Variants in UBE2Z observed in about 807,000 individuals in gnomAD.
UBE2Z encodes the protein ubiquitin conjugating enzyme E2 Z, also known as ubiquitin-conjugating enzyme E2 Z.
UBE2Z carries 10 observed loss-of-function variants against 32.6 expected under a neutral mutation model. The ratio of observed to expected loss-of-function variants is 0.31; its 90% confidence interval spans 0.19 to 0.52. UBE2Z has a LOEUF of 0.52. Ranked by LOEUF, UBE2Z falls within the 20% of genes least tolerant of loss-of-function variation. The pLI is 0.97. For missense variants in UBE2Z, 343 were observed against 480.9 expected, an observed-to-expected ratio of 0.71 and a Z score of 2.68; for synonymous variants, 183 against 190.8, an observed-to-expected ratio of 0.96 and a Z score of 0.34.
rs754149907 is a variant in UBE2Z, at chr17:48,916,229, TTTTG to T, written c.690+51_690+54del. The T allele has an allele frequency of 1.6e-4, 187 of 1,185,242 alleles. 1 individual carries two copies. The African/African-American group carries it at 1.8e-3, about 11-fold the overall frequency. 73.4% of individuals were successfully genotyped at this position (1,185,242 alleles called of 1,614,324 possible). A position where few individuals can be genotyped will look rare whatever the true frequency, so the allele number is the denominator to read the frequency against. ...CTGGCTCTGGGGTGTAGACTATTGT[TTTTG>T]TTTGTTTGGTTGGTTGGTTTTTTTG... On this transcript the variant is annotated intron_variant, in intron 4 of 6. Transcript: ENST00000360943.
chr17:48,913,157 GGA>G (rs2040692509), intron 3 of UBE2Z, 136 bp downstream of exon 3: 2 of 869,694 alleles, frequency 2.3e-6, no homozygotes, highest in Admixed American at 5.2e-5. Context: ...AATCTCCTCA[GGA>G]TGGTATGTGA....
intron 6 of UBE2Z, 114 bp from the exon 7 acceptor site, chr17:48,926,850 C>T: frequency 8.2e-7 from 1 of 1,224,582 alleles, no homozygotes; most frequent in South Asian, 1.5e-5. Flanking sequence ...TTAGGCCTTC[C>T]TGCTCCCATG....
chr17:48,911,838 AG>A (rs1384287552), intron 2 of UBE2Z: 2 of 152,194 alleles, frequency 1.3e-5, no homozygotes, highest in Non-Finnish European at 2.9e-5. Flanking sequence ...TCTTGCCAGG[AG>A]GGCAAGGTGG....
At chr17:48,917,199 G>A (rs1022538906) in intron 4 of UBE2Z, among the ~76,000 whole-genome samples, 11 of 152,162 alleles carry the variant, frequency 7.2e-5, no homozygotes, top group Admixed American at 2.0e-4. Context: ...CCAGCTACTC[G>A]GAGGCTGAGA....
intron 5 of UBE2Z, 99 bp downstream of exon 5, chr17:48,921,371 G>C (rs1567779756): frequency 1.1e-6 from 1 of 917,598 alleles, no homozygotes. Context: ...GGGAGATAGA[G>C]AAGAAGGAAA....
chr17:48,916,006 C>G, intron 3 of UBE2Z, 70 bp from the exon 4 acceptor site: 1 of 1,001,178 alleles, frequency 1.0e-6, no homozygotes, highest in Non-Finnish European at 1.5e-6. Context: ...GGTGGTGTTG[C>G]CGGGCCCCAG....
chr17:48,925,355 C>T (rs2040790923), intron 6 of UBE2Z, among the ~76,000 whole-genome samples: 1 of 152,022 alleles, frequency 6.6e-6, no homozygotes, highest in Non-Finnish European at 1.5e-5. Flanking sequence ...AAGGCTCTCT[C>T]CAGCTCTCGT....
rs1026800415 is a variant in UBE2Z, at chr17:48,923,144, A to T, written c.894+207A>T. ...AGACCATCCTGGCTAACACGGTGAA[A>T]CCCCGTCTCTACTAAAAATACAAAA... On this transcript the variant is annotated intron_variant, in intron 6 of 6. Transcript: ENST00000360943. 5.4e-5 allele frequency: 21 copies of T among 390,316 alleles called. 1 individual carries two copies. Among genetic ancestry groups the T allele is most frequent in the Admixed American group, 7.4e-5 (2 of 27,110 alleles). The allele number at this position is 390,316 out of a possible 1,614,324, so 24.2% of individuals were successfully genotyped here. A position where few individuals can be genotyped will look rare whatever the true frequency, so the allele number is the denominator to read the frequency against.
rs144534941 is a variant in UBE2Z at position 48,919,552 on chromosome 17, C to G, written c.691-1608C>G. On this transcript the variant is annotated intron_variant, in intron 4 of 6. Coordinates refer to ENST00000360943, the MANE Select transcript of UBE2Z (RefSeq NM_023079.5). ...AGTACAGTGGCACAGTCATAGCTCACTGAAGCCTCGAACTCCTGGGCTTTA... is the reference window on the plus strand; with the variant it reads ...AGTACAGTGGCACAGTCATAGCTCAGTGAAGCCTCGAACTCCTGGGCTTTA... Among the ~76,000 whole-genome samples the G allele has an allele frequency of 3.5e-3, 532 of 152,362 alleles. 6 individuals are homozygous for G. Among genetic ancestry groups the G allele is most frequent in the East Asian group, 0.023 (118 of 5,192 alleles).
At chr17:48,916,250 G>GTTTTTTTTT (rs1234372680) in intron 4 of UBE2Z, 63 bp downstream of exon 4, 514 of 516,874 alleles carry the variant, frequency 9.9e-4, no homozygotes, top group East Asian at 2.4e-3. Flanking sequence ...TGGTTGGTTG[G>GTTTTTTTTT]TTTTTTTGTT....
intron 6 of UBE2Z, chr17:48,923,164 AC>A: frequency 5.7e-6 from 2 of 352,356 alleles, no homozygotes; most frequent in Middle Eastern, 9.1e-4. Flanking sequence ...TACTAAAAAT[AC>A]AAAAAATTAG....
intron 2 of UBE2Z, chr17:48,911,988 G>A (rs933517533): frequency 2.4e-4 from 36 of 152,100 alleles, no homozygotes; most frequent in African/African-American, 8.0e-4. Flanking sequence ...CTTCAGGGGG[G>A]GAAATCCTGT....
At position 48,927,218 on chromosome 17, in the gene UBE2Z, T is replaced by G. The variant is rs893520545; in HGVS notation, c.*84T>G. 4.1e-5 allele frequency: 57 copies of G among 1,399,412 alleles called. No homozygotes were observed. In the African/African-American group the frequency reaches 7.3e-4, roughly 18 times the overall value. 86.7% of individuals were successfully genotyped at this position (1,399,412 alleles called of 1,614,324 possible). ...ACCCCAGGGATGGAGAGGCACTGTG[T>G]ATCTCCCTCCAGACTCGAAGTCATC... On this transcript the variant is annotated 3_prime_UTR_variant, in exon 7 of 7. Transcript: ENST00000360943.
Position 48,908,443 on chromosome 17 carries a change from G to A in UBE2Z, c.-61G>A, listed in dbSNP as rs1480406813. On this transcript the variant is annotated 5_prime_UTR_variant, in exon 1 of 7. Transcript: ENST00000360943. ...GTTCTCGGTGGTGCGGGAGCGGGCG[G>A]GAGCAGCGGCCGCTCTGGTCGGCGG... 6.6e-6 allele frequency: 8 copies of A among 1,206,466 alleles called. No homozygotes were observed. The highest frequency in any genetic ancestry group is 3.2e-5 in the African/African-American group (2 of 62,570). The allele number at this position is 1,206,466 out of a possible 1,614,324, so 74.7% of individuals were successfully genotyped here.
In UBE2Z at chr17:48,922,942, T is replaced by TA; in HGVS notation, c.894+6dup. On this transcript the variant is annotated splice_donor_region_variant and intron_variant, in intron 6 of 6. Coordinates refer to ENST00000360943, the MANE Select transcript of UBE2Z (RefSeq NM_023079.5). ...CTTCAAGGCCAAACTATGCAGGTAA[T>TA]ACAACCCCTGCTGCTAATTGCAGAA... is the stretch of plus-strand genomic sequence containing the variant. The TA allele has an allele frequency of 5.6e-6, 9 of 1,607,442 alleles. No individual in the cohort carries two copies. The highest frequency in any genetic ancestry group is 7.7e-6 in the Non-Finnish European group (9 of 1,176,146).
intron 4 of UBE2Z, among the ~76,000 whole-genome samples, chr17:48,917,527 A>G (rs914947474): frequency 6.6e-6 from 1 of 152,120 alleles, no homozygotes; most frequent in African/African-American, 2.4e-5. Context: ...TTCTGGGGTT[A>G]TGAAGGACTG....
chr17:48,921,705 G>A (rs1029042282), intron 5 of UBE2Z, among the ~76,000 whole-genome samples: 13 of 152,170 alleles, frequency 8.5e-5, no homozygotes, highest in African/African-American at 2.7e-4. Flanking sequence ...CAATGGAGGT[G>A]GAGCAAGTCA....
Position 48,925,062 on chromosome 17 carries a change from C to G in UBE2Z, c.895-1902C>G, listed in dbSNP as rs375956264. Among the ~76,000 whole-genome samples the G allele has an allele frequency of 2.2e-3, 334 of 151,796 alleles. 5 individuals carry two copies. In the South Asian group the frequency reaches 0.063, roughly 28 times the overall value. ...CTTTGGTAGGCCGAGGCAGACAGAT[C>G]ACTTGAGATCAGGAGTTTGAGACCA... is the stretch of plus-strand genomic sequence containing the variant. On this transcript the variant is annotated intron_variant, in intron 6 of 6. Transcript: ENST00000360943.
chr17:48,908,534 ACGGCGGGCGCCGGGG>A lies in UBE2Z; in HGVS notation c.40_54del (p.Ala14_Gly18del). On this transcript the variant is annotated inframe_deletion, in exon 1 of 7. Transcript: ENST00000360943. The stretch of plus-strand genomic sequence containing the variant: ...GGAGAGTCCGACTGAGGAGGCGGCA[ACGGCGGGCGCCGGGG>A]CGGCGGGCCCCGGGGCGAGCAGCGT... The A allele has an allele frequency of 2.2e-5, 27 of 1,235,228 alleles. No homozygotes were observed. Among genetic ancestry groups the A allele is most frequent in the Non-Finnish European group, 2.7e-5 (27 of 988,254 alleles). 76.5% of individuals were successfully genotyped at this position (1,235,228 alleles called of 1,614,324 possible).
Sources: gnomAD v4.1 joint callset for allele counts (sites outside exome capture counted in the v4.1 genomes callset) on GRCh38, gnomAD v4.1.1 for gene constraint, MANE v1.5 for transcripts, NCBI Gene and HGNC (gene_info 2026-07-23, HGNC 2026-07-21) for gene names.